The following PABIR2 variants were observed in gnomAD, a reference collection of about 807,000 sequenced individuals.
The protein encoded by PABIR2 is family with sequence similarity 122B.
Under a neutral mutation model 22.8 loss-of-function variants are expected in PABIR2, and 7 were observed. The ratio of observed to expected loss-of-function variants is 0.31; its 90% CI spans 0.17 to 0.58. PABIR2 has a LOEUF of 0.58. Ranked by LOEUF, PABIR2 falls within the 20% of genes least tolerant of loss-of-function variation. The pLI is 0.89. For synonymous variants in PABIR2, 67 were observed against 73.8 expected (o/e 0.91, Z 0.47); for missense variants, 155 against 205.1 (o/e 0.76, Z 1.49).
At position 134,770,651 on chromosome X, in the gene PABIR2, TTAAATA is replaced by T. The variant is rs1220647683; in HGVS notation, c.*1482_*1487del. ...TGATTCCAGCAGGCAAATCTGCATATTAAATATAGACAACCCAACCACAGTATCTGA... is the reference window on the plus strand; with the variant it reads ...TGATTCCAGCAGGCAAATCTGCATATTAGACAACCCAACCACAGTATCTGA... On this transcript the variant is annotated 3_prime_UTR_variant, in exon 10 of 10. Transcript: ENST00000343004. 1 of 112,922 alleles carries T rather than the reference TTAAATA, an allele frequency of 8.9e-6. No individual in the cohort carries two copies. Among genetic ancestry groups the T allele is most frequent in the Admixed American group, 9.4e-5 (1 of 10,620 alleles). The allele number at this position is 112,922 out of a possible 1,213,427, so 9.3% of individuals were successfully genotyped here.
intron 7 of PABIR2, among the ~76,000 whole-genome samples, chrX:134,786,944 C>T (rs1475659990): frequency 9.1e-6 from 1 of 110,163 alleles, no homozygotes; most frequent in Non-Finnish European, 1.9e-5. Flanking sequence ...AGTGAGATTC[C>T]ACCTCAAATA....
rs886366784 is a variant in PABIR2 at position 134,770,344 on chromosome X, C to G, written c.*1795G>C. The G allele has an allele frequency of 8.9e-6, 1 of 112,438 alleles. No homozygotes were observed. Among genetic ancestry groups the G allele is most frequent in the East Asian group, 2.8e-4 (1 of 3,603 alleles). 9.3% of individuals were successfully genotyped at this position (112,438 alleles called of 1,213,427 possible). ...TATGTTACGTTTGAAGAAGTAGAGA[C>G]TTTTCCCAGATGAGAGCAATACAAG... On this transcript the variant is annotated 3_prime_UTR_variant, in exon 10 of 10. Transcript: ENST00000343004.
intron 9 of PABIR2, among the ~76,000 whole-genome samples, chrX:134,778,957 G>A (rs1270454742): frequency 1.8e-5 from 2 of 110,825 alleles, no homozygotes; most frequent in African/African-American, 6.6e-5. Flanking sequence ...GGGACTACAG[G>A]CGCCCGCCAC....
In PABIR2 at chrX:134,771,835, T is replaced by C. The variant is rs1238954105; in HGVS notation, c.*304A>G. 150 of 861,334 alleles carry C rather than the reference T, an allele frequency of 1.7e-4. No homozygotes were observed. The highest frequency in any genetic ancestry group is 2.0e-4 in the Non-Finnish European group (142 of 709,307). The allele number at this position is 861,334 out of a possible 1,213,427, so 71.0% of individuals were successfully genotyped here. ...CACATCAGTGCCTTTCTTAAATGTA[T>C]AGACTCAAAATAGGTGTTTTTTGAG... On this transcript the variant is annotated 3_prime_UTR_variant, in exon 10 of 10. Transcript: ENST00000343004.
rs2079299972 is a variant in PABIR2 at position 134,785,874 on chromosome X, G to A, written c.562+12C>T. 3 of 1,203,702 alleles carry A rather than the reference G, an allele frequency of 2.5e-6. No individual in the cohort carries two copies. Among genetic ancestry groups the A allele is most frequent in the Non-Finnish European group, 3.4e-6 (3 of 888,606 alleles). On this transcript the variant is annotated intron_variant, in intron 8 of 9. Coordinates refer to ENST00000343004, the MANE Select transcript of PABIR2 (RefSeq NM_001387468.1). ...CAGTAGCATTAGCTATAGTCACCAC[G>A]CTGCTACATACCTTTTCTTTTAAGA...
At position 134,781,861 on chromosome X, in the gene PABIR2, A is replaced by G. The variant is rs1440124995; in HGVS notation, c.619T>C (p.Leu207=). The change falls in exon 9 of 10, where the codon TTA becomes CTA. Residue 207 remains leucine (L), a synonymous_variant. Coordinates refer to ENST00000343004, the MANE Select transcript of PABIR2 (RefSeq NM_001387468.1). ...KRLFQGTTNM[L]SPDAAQLSDL... is the part of the protein sequence containing the mutation. ...GACAGTTGCGCGGCATCTGGAGATAACATATTGGTAGTGCCTTGGAAGAGT... is the reference window on the plus strand; with the variant it reads ...GACAGTTGCGCGGCATCTGGAGATAGCATATTGGTAGTGCCTTGGAAGAGT... 1.7e-6 allele frequency: 2 copies of G among 1,204,953 alleles called. No individual in the cohort carries two copies. The highest frequency in any genetic ancestry group is 2.2e-6 in the Non-Finnish European group (2 of 891,625).
At chrX:134,785,544 C>T (rs1382249411) in intron 8 of PABIR2, among the ~76,000 whole-genome samples, 4 of 109,563 alleles carry the variant, frequency 3.7e-5, no homozygotes, top group Non-Finnish European at 7.6e-5. Context: ...CAAGTTCAAG[C>T]GATTCTCCTG....
At chrX:134,782,809 T>G (rs186900079) in intron 8 of PABIR2, among the ~76,000 whole-genome samples, 5 of 112,345 alleles carry the variant, frequency 4.5e-5, no homozygotes, top group Admixed American at 3.8e-4. Flanking sequence ...AACGCAACAT[T>G]CATTTTGTCC....
At chrX:134,787,331 C>A in intron 7 of PABIR2, 141 bp downstream of exon 7, 1 of 503,961 alleles carries the variant, frequency 2.0e-6, no homozygotes, top group Non-Finnish European at 3.3e-6. Flanking sequence ...AACTCTTGAC[C>A]TCAGGTAATC....
intron 1 of PABIR2, chrX:134,794,201 C>T (rs1032950673): frequency 5.9e-5 from 8 of 136,382 alleles, no homozygotes; most frequent in Non-Finnish European, 1.0e-4. Context: ...GCCCCCAAAC[C>T]GGTTACCACC....
intron 7 of PABIR2, 76 bp downstream of exon 7, chrX:134,787,396 A>G (rs951254542): frequency 1.9e-6 from 2 of 1,045,411 alleles, no homozygotes; most frequent in Non-Finnish European, 2.7e-6. Flanking sequence ...CACTGCGCCC[A>G]GCCACAAAAA....
In PABIR2 at chrX:134,793,885, G is replaced by A; in HGVS notation, c.107C>T (p.Ser36Leu). The A allele has an allele frequency of 8.3e-7, 1 of 1,201,966 alleles. No individual in the cohort carries two copies. ...APLIHGLSDL[S>L]QVFQPYTLRT... ...AAGTGTGTAAGGTTGGAAAACCTGT[G>A]AAAGGTCACTGAAAAAAACAAAAAC... Residue 36 changes from serine (S) to leucine (L), a missense_variant, in exon 2 of 10, where the codon TCA becomes TTA. Physicochemically the swap from Ser to Leu is moderately radical, Grantham distance 145 (BLOSUM62 -2). Transcript: ENST00000343004.
chrX:134,787,798 T>C (rs1479561911), intron 6 of PABIR2, among the ~76,000 whole-genome samples: 1 of 99,005 alleles, frequency 1.0e-5, no homozygotes, highest in East Asian at 3.1e-4. Context: ...TTGTATCTAT[T>C]TTTTTTTTTT....
In PABIR2 at chrX:134,789,135, T is replaced by C. The variant is rs763443114; in HGVS notation, c.283A>G (p.Met95Val). ...TGGCTTATCTGCATTGCCGTTTGCA[T>C]TTCCCTAAAATAAACAAAGGGAAGG... Reference protein sequence around the residue: ...VNRETAHEREMQTAMQISQSW... With the variant: ...VNRETAHEREVQTAMQISQSW... The change falls in exon 5 of 10, where the codon ATG becomes GTG. Residue 95 changes from methionine (M) to valine (V), a missense_variant. Transcript: ENST00000343004. 1 of 1,212,139 alleles carries C rather than the reference T, an allele frequency of 8.2e-7. No homozygotes were observed. The highest frequency in any genetic ancestry group is 1.8e-5 in the South Asian group (1 of 57,028).
intron 9 of PABIR2, among the ~76,000 whole-genome samples, chrX:134,781,560 C>G (rs773490408): frequency 2.7e-5 from 3 of 112,100 alleles, no homozygotes; most frequent in Non-Finnish European, 3.8e-5. Flanking sequence ...TGATAAAAAT[C>G]TAAGTCAACT....
intron 9 of PABIR2, among the ~76,000 whole-genome samples, chrX:134,772,613 TTACC>T (rs1482808703): frequency 4.5e-5 from 5 of 110,891 alleles, no homozygotes; most frequent in Non-Finnish European, 7.6e-5. Context: ...ATTCTTATGT[TTACC>T]TTCCCATCAG....
chrX:134,785,068 T>C (rs1367503653), intron 8 of PABIR2, among the ~76,000 whole-genome samples: 1 of 112,051 alleles, frequency 8.9e-6, no homozygotes, highest in African/African-American at 3.2e-5. Flanking sequence ...CTTTCATATT[T>C]AGATAACAGA....
intron 8 of PABIR2, among the ~76,000 whole-genome samples, chrX:134,784,192 G>T (rs1328985986): frequency 9.0e-6 from 1 of 110,600 alleles, no homozygotes; most frequent in East Asian, 2.8e-4. Flanking sequence ...GTTGCCGGCT[G>T]GGCGTGGTGG....
At chrX:134,774,363 G>A (rs917576007) in intron 9 of PABIR2, among the ~76,000 whole-genome samples, 1 of 111,572 alleles carries the variant, frequency 9.0e-6, no homozygotes, top group Non-Finnish European at 1.9e-5. Flanking sequence ...CATATTGGCC[G>A]GGCAAACGAA....
Sources: gnomAD v4.1 joint callset for allele counts (sites outside exome capture counted in the v4.1 genomes callset) on GRCh38, gnomAD v4.1.1 for gene constraint, MANE v1.5 for transcripts, NCBI Gene and HGNC (gene_info 2026-07-23, HGNC 2026-07-21) for gene names.